The following ACSM2A variants were observed in gnomAD, a reference collection of about 807,000 sequenced individuals.
The protein encoded by ACSM2A is acyl-coenzyme A synthetase ACSM2A, mitochondrial.
Under a neutral mutation model 76.6 loss-of-function variants are expected in ACSM2A, and 72 were observed. The ratio of observed to expected loss-of-function variants is 0.94; its 90% CI spans 0.78 to 1.14. ACSM2A has a LOEUF of 1.14. Ranked by LOEUF, ACSM2A falls within the 50% of genes most tolerant of loss-of-function variation. The pLI is 0.00. For synonymous variants in ACSM2A, 249 were observed against 255.9 expected, an observed-to-expected ratio of 0.97 and a Z score of 0.26; for missense variants, 684 against 708.5, an observed-to-expected ratio of 0.97 and a Z score of 0.39.
At chr16:20,463,181 T>A (rs148733039) in intron 2 of ACSM2A, among the ~76,000 whole-genome samples, 3 of 151,752 alleles carry the variant, frequency 2.0e-5, no homozygotes, top group Non-Finnish European at 4.4e-5. Flanking sequence ...TGTATACATA[T>A]GTGACAAACG....
chr16:20,474,418 A>C (rs1304259523), intron 6 of ACSM2A, among the ~76,000 whole-genome samples: 1 of 152,068 alleles, frequency 6.6e-6, no homozygotes, highest in Non-Finnish European at 1.5e-5. Context: ...GCCCCTTTAC[A>C]ATGTGATGCC....
intron 4 of ACSM2A, chr16:20,470,819 T>G (rs564636756): frequency 2.6e-5 from 17 of 655,832 alleles, no homozygotes; most frequent in South Asian, 2.6e-4. Flanking sequence ...TTTGCAGATA[T>G]AAAGTCAGAC....
intron 13 of ACSM2A, among the ~76,000 whole-genome samples, chr16:20,483,596 A>G (rs2014228136): frequency 6.8e-6 from 1 of 146,022 alleles, no homozygotes; most frequent in African/African-American, 2.7e-5. Context: ...AAAAAAAAAA[A>G]AAAAAAGTCT....
intron 2 of ACSM2A, among the ~76,000 whole-genome samples, chr16:20,463,984 G>A (rs547919914): frequency 1.4e-4 from 22 of 152,018 alleles, no homozygotes; most frequent in Admixed American, 5.2e-4. Flanking sequence ...TTACTCTTAC[G>A]TTAAAACTTC....
intron 8 of ACSM2A, 34 bp downstream of exon 8, chr16:20,475,807 C>T (rs373701058): frequency 1.2e-6 from 2 of 1,607,602 alleles, no homozygotes; most frequent in Non-Finnish European, 1.7e-6. Context: ...GGGCTGTGTG[C>T]ACTTTTTGGG....
intron 1 of ACSM2A, 22 bp from the exon 2 acceptor site, chr16:20,460,085 G>C: frequency 6.3e-7 from 1 of 1,590,752 alleles, no homozygotes; most frequent in Non-Finnish European, 8.6e-7. Flanking sequence ...GCTCTCACCT[G>C]TGTCTCTTCT....
chr16:20,480,573 G>C lies in ACSM2A; in HGVS notation c.1282G>C (p.Asp428His), dbSNP rs2014024120. The C allele has an allele frequency of 3.1e-6, 5 of 1,613,828 alleles. No homozygotes were observed. The highest frequency in any genetic ancestry group is 4.2e-6 in the Non-Finnish European group (5 of 1,179,798). The change falls in exon 11 of 14, where the codon GAC (aspartate) becomes CAC (histidine). Residue 428 changes from aspartate (D) to histidine (H), a missense_variant and splice_region_variant. Physicochemically the swap from Asp to His is moderately conservative, Grantham distance 81 (BLOSUM62 -1). Coordinates refer to ENST00000573854, the MANE Select transcript of ACSM2A (RefSeq NM_001308172.2). ...RPIGIFSGYV[D>H]NPDKTAANIR... ...GACTCTGTCTTTCTGTGGTCACCAG[G>C]ACAATCCCGACAAGACAGCAGCCAA...
intron 6 of ACSM2A, among the ~76,000 whole-genome samples, chr16:20,473,674 T>A (rs1284228929): frequency 6.6e-6 from 1 of 152,064 alleles, no homozygotes; most frequent in African/African-American, 2.4e-5. Context: ...TAAGGCCCCA[T>A]CCCGCCAGCC....
chr16:20,485,627 T>G (rs1475371421), intron 13 of ACSM2A, among the ~76,000 whole-genome samples: 1 of 152,188 alleles, frequency 6.6e-6, no homozygotes. Flanking sequence ...AAACAGGAAG[T>G]GGGCTGTATT....
chr16:20,484,749 G>A (rs982382859), intron 13 of ACSM2A, among the ~76,000 whole-genome samples: 1 of 152,120 alleles, frequency 6.6e-6, no homozygotes, highest in African/African-American at 2.4e-5. Context: ...GTGAGGAAGG[G>A]AAGGGGGTCT....
At chr16:20,482,932 C>T in intron 12 of ACSM2A, 126 bp from the exon 13 acceptor site, 1 of 1,450,678 alleles carries the variant, frequency 6.9e-7, no homozygotes, top group South Asian at 1.4e-5. Context: ...TTCCCTTGAC[C>T]TGGATCACCG....
chr16:20,476,097 T>C, intron 8 of ACSM2A: 16 of 1,085,236 alleles, frequency 1.5e-5, no homozygotes, highest in Non-Finnish European at 1.8e-5. Context: ...AAATCAGATA[T>C]GGTAGTCAGA....
At position 20,469,677 on chromosome 16, in the gene ACSM2A, A is replaced by C; in HGVS notation, c.554A>C (p.Glu185Ala). 1 of 1,613,862 alleles carries C rather than the reference A, an allele frequency of 6.2e-7. No individual in the cohort carries two copies. Among genetic ancestry groups the C allele is most frequent in the East Asian group, 2.2e-5 (1 of 44,870 alleles). ...PSLRIKLLVS[E>A]KSCDGWLNFK... is the part of the protein sequence containing the mutation. ...CTGAGAATTAAGCTACTGGTGTCTG[A>C]GAAAAGCTGTGATGGGTGGCTGAAC... The change falls in exon 4 of 14, where the codon GAG becomes GCG. Residue 185 changes from glutamate (E) to alanine (A), a missense_variant. Transcript: ENST00000573854.
chr16:20,458,905 C>CATATATATATATATATATATGCATAT (rs2012401095), intron 1 of ACSM2A, among the ~76,000 whole-genome samples: 2 of 74,872 alleles, frequency 2.7e-5, no homozygotes, highest in Admixed American at 2.9e-4. Flanking sequence ...TATATATATG[C>CATATATATATATATATATATGCATAT]ATATATATAT....
intron 4 of ACSM2A, chr16:20,470,740 GTTC>G (rs937982123): frequency 4.0e-6 from 2 of 501,686 alleles, no homozygotes; most frequent in African/African-American, 3.9e-5. Context: ...CATTTATTGA[GTTC>G]TTACTAAGCA....
chr16:20,476,471 G>A (rs1263984416), intron 8 of ACSM2A: 1 of 985,454 alleles, frequency 1.0e-6, no homozygotes. Context: ...TTTTGCAGAA[G>A]GTTGACGGCA....
At chr16:20,471,808 A>C (rs1325948008) in intron 6 of ACSM2A, 119 bp downstream of exon 6, 5 of 1,509,734 alleles carry the variant, frequency 3.3e-6, no homozygotes, top group Non-Finnish European at 4.5e-6. Flanking sequence ...CATGTGGTGA[A>C]CAGTGTTCAG....
chr16:20,475,934 C>T (rs1219037702), intron 8 of ACSM2A, 161 bp downstream of exon 8: 1 of 1,464,270 alleles, frequency 6.8e-7, no homozygotes, highest in Non-Finnish European at 9.1e-7. Flanking sequence ...AAATTCCGCA[C>T]AGAACAAAAA....
intron 13 of ACSM2A, among the ~76,000 whole-genome samples, chr16:20,484,033 T>C (rs913181526): frequency 1.9e-4 from 29 of 150,470 alleles, no homozygotes; most frequent in Middle Eastern, 3.4e-3. Flanking sequence ...CAGTAGAAAA[T>C]GAGCATGTTT....
Sources: allele counts gnomAD v4.1 joint callset (sites outside exome capture counted in the v4.1 genomes callset), GRCh38; gene constraint gnomAD v4.1.1; transcripts MANE v1.5; gene names NCBI Gene and HGNC (gene_info 2026-07-23, HGNC 2026-07-21).